SLC26A5: variants seen among roughly 807,000 people sequenced by gnomAD.
SLC26A5 encodes prestin.
SLC26A5 carries 51 observed loss-of-function variants against 81.0 expected under a neutral mutation model. That is an observed-to-expected ratio of 0.63 (90% CI 0.50 to 0.80). The LOEUF is 0.80. SLC26A5 is among the 30% of genes least tolerant of loss of function. The pLI is 0.00. For missense variants in SLC26A5, 771 were observed against 905.8 expected, an observed-to-expected ratio of 0.85 and a Z score of 1.91; for synonymous variants, 325 against 332.8, an observed-to-expected ratio of 0.98 and a Z score of 0.25.
intron 2 of SLC26A5, among the ~76,000 whole-genome samples, chr7:103,422,213 A>G (rs926925367): frequency 2.0e-5 from 3 of 152,206 alleles, no homozygotes; most frequent in Admixed American, 1.3e-4. Flanking sequence ...TATGAGTAAA[A>G]CAATGATTAA....
intron 19 of SLC26A5, chr7:103,355,689 T>C (rs765356840): frequency 4.4e-6 from 7 of 1,608,226 alleles, no homozygotes; most frequent in African/African-American, 1.3e-5. Flanking sequence ...TCTTTCTCTA[T>C]GTAGGTATTA....
Position 103,442,390 on chromosome 7 carries a change from G to A in SLC26A5, c.-54+693C>T, listed in dbSNP as rs571377192. ...TGGCCTCAAATGGTACACCCTCCTC[G>A]GTCTCCCAAAGTGCTGGGATTACAG... On this transcript the variant is annotated intron_variant, in intron 2 of 19. Transcript: ENST00000306312. Among the ~76,000 whole-genome samples, 117 of 152,138 alleles carry A rather than the reference G, an allele frequency of 7.7e-4. 3 individuals carry two copies. The South Asian group carries it at 8.7e-3, about 11-fold the overall frequency.
At chr7:103,438,386 TTTC>T (rs1166024115) in intron 2 of SLC26A5, among the ~76,000 whole-genome samples, 6 of 148,002 alleles carry the variant, frequency 4.1e-5, no homozygotes, top group Non-Finnish European at 2.9e-5. Flanking sequence ...TGAGATTTCT[TTTC>T]TTTTTTTTTT....
chr7:103,415,337 C>T (rs55829776), intron 4 of SLC26A5, among the ~76,000 whole-genome samples: 11,493 of 152,310 alleles, frequency 0.075, 522 homozygotes, highest in South Asian at 0.13. Flanking sequence ...TTTTGCTCCT[C>T]GGAGCCAATC....
At chr7:103,354,959 T>G in intron 19 of SLC26A5, 1 of 1,556,940 alleles carries the variant, frequency 6.4e-7, no homozygotes, top group East Asian at 2.2e-5. Context: ...GGTATGTATT[T>G]TTAAATTCCC....
At chr7:103,432,348 A>G (rs1826143330) in intron 2 of SLC26A5, among the ~76,000 whole-genome samples, 1 of 152,094 alleles carries the variant, frequency 6.6e-6, no homozygotes, top group South Asian at 2.1e-4. Flanking sequence ...TGGAATTTCT[A>G]TTTGACATTT....
At chr7:103,411,719 T>G in intron 5 of SLC26A5, 133 bp from the exon 6 acceptor site, 1 of 992,922 alleles carries the variant, frequency 1.0e-6, no homozygotes, top group Non-Finnish European at 1.6e-6. Context: ...TTCTTTAGTG[T>G]CCTGCCCCTG....
intron 9 of SLC26A5, among the ~76,000 whole-genome samples, chr7:103,394,681 G>T: frequency 6.6e-6 from 1 of 152,166 alleles, no homozygotes; most frequent in East Asian, 1.9e-4. Context: ...GTGTAGGTAC[G>T]TGTATATAGA....
chr7:103,414,000 A>G (rs144987270), intron 4 of SLC26A5, among the ~76,000 whole-genome samples: 2 of 151,972 alleles, frequency 1.3e-5, no homozygotes, highest in African/African-American at 2.4e-5. Flanking sequence ...CCCAAAGTCC[A>G]TAGTTTACAT....
chr7:103,392,913 C>T lies in SLC26A5; in HGVS notation c.1119+6G>A, dbSNP rs886061848. 1.2e-6 allele frequency: 2 copies of T among 1,613,842 alleles called. No homozygotes were observed. Among genetic ancestry groups the T allele is most frequent in the Admixed American group, 1.7e-5 (1 of 59,986 alleles). ...GAAACATGTGCAGGAAACTGATTAT[C>T]TTTACCTGATTGCCGTCAACCTGGT... On this transcript the variant is annotated splice_donor_region_variant and intron_variant, in intron 10 of 19. Coordinates refer to ENST00000306312, the MANE Select transcript of SLC26A5 (RefSeq NM_198999.3).
chr7:103,379,384 T>C, intron 15 of SLC26A5, 49 bp from the exon 16 acceptor site: 1 of 1,253,804 alleles, frequency 8.0e-7, no homozygotes, highest in Non-Finnish European at 1.2e-6. Flanking sequence ...TATTTCAGAA[T>C]CAAAACTGCA....
At chr7:103,380,684 C>T in intron 14 of SLC26A5, 135 bp from the exon 15 acceptor site, 1 of 755,640 alleles carries the variant, frequency 1.3e-6, no homozygotes, top group Non-Finnish European at 2.3e-6. Context: ...GGTGCCTTTG[C>T]AGAAGGGCTC....
chr7:103,399,043 T>C (rs1823373391), intron 8 of SLC26A5, among the ~76,000 whole-genome samples: 1 of 152,170 alleles, frequency 6.6e-6, no homozygotes. Flanking sequence ...TAAACCATTG[T>C]TTTCTTATCA....
intron 2 of SLC26A5, 70 bp from the exon 3 acceptor site, chr7:103,421,637 T>A (rs2116728713): frequency 9.4e-7 from 1 of 1,061,936 alleles, no homozygotes; most frequent in East Asian, 2.5e-5. Flanking sequence ...AAGCATCTCT[T>A]CTTTGTGGTG....
intron 19 of SLC26A5, among the ~76,000 whole-genome samples, chr7:103,357,897 T>C (rs1820134134): frequency 6.6e-6 from 1 of 152,218 alleles, no homozygotes; most frequent in South Asian, 2.1e-4. Flanking sequence ...CTTAGTTGCA[T>C]CTGGTGTTCT....
chr7:103,445,241 G>A (rs6957805), intron 1 of SLC26A5: 7,384 of 152,320 alleles, frequency 0.048, 267 homozygotes, highest in East Asian at 0.18. Flanking sequence ...TCGGATCCTT[G>A]CAGCTGTTTC....
chr7:103,354,310 CTGAAA>C (rs1429349628), intron 19 of SLC26A5, among the ~76,000 whole-genome samples: 1 of 150,692 alleles, frequency 6.6e-6, no homozygotes, highest in Non-Finnish European at 1.5e-5. Context: ...TGAATTAGTT[CTGAAA>C]TGAAGTTTTA....
intron 9 of SLC26A5, among the ~76,000 whole-genome samples, chr7:103,396,484 T>C (rs1336434260): frequency 6.6e-6 from 1 of 152,210 alleles, no homozygotes; most frequent in Admixed American, 6.5e-5. Flanking sequence ...AATGGAATAT[T>C]ATTCGGCCTT....
intron 11 of SLC26A5, 111 bp from the exon 12 acceptor site, chr7:103,390,617 G>T: frequency 1.1e-6 from 1 of 870,200 alleles, no homozygotes; most frequent in Non-Finnish European, 2.0e-6. Flanking sequence ...AAGAAAATAT[G>T]GATTCAAATA....
Sources: gnomAD v4.1 joint callset for allele counts (sites outside exome capture counted in the v4.1 genomes callset) on GRCh38, gnomAD v4.1.1 for gene constraint, MANE v1.5 for transcripts, NCBI Gene and HGNC (gene_info 2026-07-23, HGNC 2026-07-21) for gene names.